Variants in BCAS3 observed in about 807,000 individuals in gnomAD.
BCAS3 encodes the protein BCAS3 microtubule associated cell migration factor.
In BCAS3, 53 loss-of-function variants were observed where a neutral mutation model predicts 116.1. That is an observed-to-expected ratio of 0.46 (90% CI 0.37 to 0.57). BCAS3 has a LOEUF of 0.57. Among genes scored for constraint, BCAS3 ranks in the 20% least tolerant of loss-of-function variants. The pLI, the probability that BCAS3 is intolerant of heterozygous loss-of-function variation, is 0.00. For synonymous variants in BCAS3, 391 were observed against 408.2 expected (o/e 0.96, Z 0.51); for missense variants, 917 against 1,165.4 (o/e 0.79, Z 3.10).
At chr17:61,288,387 G>T (rs2052043223) in intron 22 of BCAS3, among the ~76,000 whole-genome samples, 1 of 152,192 alleles carries the variant, frequency 6.6e-6, no homozygotes, top group African/African-American at 2.4e-5. Flanking sequence ...ATGTTTCTTT[G>T]TTGGGAGTGG....
chr17:61,348,058 T>C lies in BCAS3; in HGVS notation c.2426-20269T>C, dbSNP rs1297269454. On this transcript the variant is annotated intron_variant, in intron 22 of 23. Transcript: ENST00000407086. The surrounding 1 kb of genome is among the most constrained non-coding windows in gnomAD (Gnocchi z 4.5). ...AAGAATGAATTGAAGGGAAGCCACA[T>C]TAATAGGCGGAAAGACCAGTTTAAA... is the stretch of plus-strand genomic sequence containing the variant. 6.6e-6 allele frequency among the ~76,000 whole-genome samples: 1 copy of C among 152,190 alleles called. No individual in the cohort carries two copies. Among genetic ancestry groups the C allele is most frequent in the Non-Finnish European group, 1.5e-5 (1 of 68,032 alleles).
At chr17:60,757,294 G>A (rs1489562190) in intron 6 of BCAS3, among the ~76,000 whole-genome samples, 1 of 150,218 alleles carries the variant, frequency 6.7e-6, no homozygotes, top group African/African-American at 2.4e-5. Context: ...CAGCCTGGGC[G>A]ACAGAGCAAG....
intron 13 of BCAS3, among the ~76,000 whole-genome samples, chr17:60,943,204 A>G (rs1277449561): frequency 6.6e-6 from 1 of 152,158 alleles, no homozygotes; most frequent in African/African-American, 2.4e-5. Context: ...AACAGAAACA[A>G]GACAAGCAAA....
At chr17:60,784,028 A>G (rs914092534) in intron 6 of BCAS3, among the ~76,000 whole-genome samples, 5 of 152,192 alleles carry the variant, frequency 3.3e-5, no homozygotes, top group African/African-American at 1.2e-4. Context: ...GCAGCACTCC[A>G]TTGTAGAACT....
In BCAS3 at chr17:61,049,617, C is replaced by T. The variant is rs149661405; in HGVS notation, c.2029+8725C>T. Among the ~76,000 whole-genome samples, 20 of 151,382 alleles carry T rather than the reference C, an allele frequency of 1.3e-4. No homozygotes were observed. In the East Asian group the frequency reaches 3.9e-3, roughly 29 times the overall value. ...ACCAAAGTGTATTATAATCAATTTG[C>T]TCAAAATCATTGACAAAGAGAAAAA... On this transcript the variant is annotated intron_variant, in intron 19 of 23. Transcript: ENST00000407086.
chr17:60,711,473 CAG>C (rs2037923139), intron 5 of BCAS3, among the ~76,000 whole-genome samples: 1 of 151,824 alleles, frequency 6.6e-6, no homozygotes. Context: ...GTACTGAAGA[CAG>C]AGGAAGTTAT....
At chr17:60,690,024 G>T (rs1248613318) in intron 4 of BCAS3, among the ~76,000 whole-genome samples, 1 of 151,848 alleles carries the variant, frequency 6.6e-6, no homozygotes, top group Non-Finnish European at 1.5e-5. Context: ...GCAGAAAAAT[G>T]GTTTTCTTAA....
chr17:60,684,781 T>C (rs749391722), intron 3 of BCAS3, among the ~76,000 whole-genome samples: 19 of 152,248 alleles, frequency 1.2e-4, no homozygotes, highest in Middle Eastern at 3.4e-3. Context: ...TTTCTCCTTA[T>C]GGTTGTAGTC....
chr17:61,274,082 T>C lies in BCAS3; in HGVS notation c.2426-94245T>C, dbSNP rs902805434. ...CATTAACTCGTCATTTAACATTAGG[T>C]ATATCTCCTAATGCTATCCCTCCCC... On this transcript the variant is annotated intron_variant, in intron 22 of 23. Coordinates refer to ENST00000407086, the MANE Select transcript of BCAS3 (RefSeq NM_017679.5). Among the ~76,000 whole-genome samples the C allele has an allele frequency of 1.9e-3, 293 of 151,298 alleles. 1 individual carries two copies. Among genetic ancestry groups the C allele is most frequent in the African/African-American group, 6.3e-3 (259 of 41,434 alleles).
rs2076921348 is a variant in BCAS3, at chr17:61,141,647, A to T, written c.2425+57083A>T. Among the ~76,000 whole-genome samples the T allele has an allele frequency of 6.6e-6, 1 of 152,176 alleles. No individual in the cohort carries two copies. The highest frequency in any genetic ancestry group is 6.5e-5 in the Admixed American group (1 of 15,274). On this transcript the variant is annotated intron_variant, in intron 22 of 23. Coordinates refer to ENST00000407086, the MANE Select transcript of BCAS3 (RefSeq NM_017679.5). This position sits in a 1 kb window ranked among gnomAD's most constrained non-coding sequence, Gnocchi z 4.3. ...GCTGGGCGTGGTGGCTCACACCTGTAATCCCAGCTCTTTGAGAGGCTGAGG... is the reference window on the plus strand; with the variant it reads ...GCTGGGCGTGGTGGCTCACACCTGTTATCCCAGCTCTTTGAGAGGCTGAGG...
At chr17:61,137,570 A>C (rs911681203) in intron 22 of BCAS3, among the ~76,000 whole-genome samples, 1 of 152,162 alleles carries the variant, frequency 6.6e-6, no homozygotes, top group Non-Finnish European at 1.5e-5. Context: ...GGAGTTTGAG[A>C]CCAGCCTGGC....
At chr17:61,335,745 T>C (rs1178117799) in intron 22 of BCAS3, among the ~76,000 whole-genome samples, 2 of 152,226 alleles carry the variant, frequency 1.3e-5, no homozygotes, top group African/African-American at 4.8e-5. Flanking sequence ...AAGAATTGCC[T>C]TTCTGGCTTT....
At chr17:61,185,217 A>T (rs1461980544) in intron 22 of BCAS3, among the ~76,000 whole-genome samples, 1 of 152,150 alleles carries the variant, frequency 6.6e-6, no homozygotes, top group Non-Finnish European at 1.5e-5. Context: ...GTTACCAGGG[A>T]CATTCAAGAT....
rs1601220848 is a variant in BCAS3, at chr17:61,098,986, T to TG, written c.2425+14424dup. Reference sequence around the variant, plus strand: ...AAAAATACGAAAAATTAGCCGGGCATGGTGGCGCACACCTGTAGTCCCAGC... The same window carrying TG: ...AAAAATACGAAAAATTAGCCGGGCATGGGTGGCGCACACCTGTAGTCCCAGC... On this transcript the variant is annotated intron_variant, in intron 22 of 23. Transcript: ENST00000407086. The surrounding 1 kb of genome is among the most constrained non-coding windows in gnomAD (Gnocchi z 4.2). 2.0e-5 allele frequency among the ~76,000 whole-genome samples: 3 copies of TG among 152,050 alleles called. No homozygotes were observed. The highest frequency in any genetic ancestry group is 7.2e-5 in the African/African-American group (3 of 41,394).
At chr17:60,937,230 C>CT (rs1357829757) in intron 13 of BCAS3, among the ~76,000 whole-genome samples, 3 of 151,194 alleles carry the variant, frequency 2.0e-5, no homozygotes, top group Non-Finnish European at 2.9e-5. Context: ...CACCATATAT[C>CT]TGTTTTTTTT....
chr17:61,042,068 A>G (rs1250214868), intron 19 of BCAS3, among the ~76,000 whole-genome samples: 3 of 152,070 alleles, frequency 2.0e-5, no homozygotes, highest in South Asian at 2.1e-4. Context: ...GACGGGTGAT[A>G]TGTAAGTGGT....
Position 61,332,709 on chromosome 17 carries a change from A to C in BCAS3, c.2426-35618A>C, listed in dbSNP as rs1842411366. Among the ~76,000 whole-genome samples, 1 of 152,100 alleles carries C rather than the reference A, an allele frequency of 6.6e-6. No individual in the cohort carries two copies. The highest frequency in any genetic ancestry group is 6.5e-5 in the Admixed American group (1 of 15,274). On this transcript the variant is annotated intron_variant, in intron 22 of 23. Coordinates refer to ENST00000407086, the MANE Select transcript of BCAS3 (RefSeq NM_017679.5). This position sits in a 1 kb window ranked among gnomAD's most constrained non-coding sequence, Gnocchi z 5.4. ...CGGCTCATAGCAGCCTCCACCTCCC[A>C]GGTTCAAGCCATTCTCCTGCCTCAG...
chr17:61,296,703 T>C (rs986264616), intron 22 of BCAS3, among the ~76,000 whole-genome samples: 8 of 152,200 alleles, frequency 5.3e-5, no homozygotes, highest in African/African-American at 1.9e-4. Flanking sequence ...AGAGGAGGCA[T>C]CCTGGAAAAA....
Position 61,354,773 on chromosome 17 carries a change from CAT to C in BCAS3, c.2426-13553_2426-13552del, listed in dbSNP as rs902801138. 2.0e-5 allele frequency: 3 copies of C among 152,216 alleles called. No individual in the cohort carries two copies. The highest frequency in any genetic ancestry group is 6.5e-5 in the Admixed American group (1 of 15,282). 9.4% of individuals were successfully genotyped at this position (152,216 alleles called of 1,614,324 possible). A position where few individuals can be genotyped will look rare whatever the true frequency, so the allele number is the denominator to read the frequency against. On this transcript the variant is annotated intron_variant, in intron 22 of 23. Transcript: ENST00000407086. This position sits in a 1 kb window ranked among gnomAD's most constrained non-coding sequence, Gnocchi z 4.5. ...AGGTTGACCACACACTCCAAATACA[CAT>C]GTTTATTGCCCAAGCTGGGAACACC...
Sources: allele counts gnomAD v4.1 joint callset (sites outside exome capture counted in the v4.1 genomes callset), GRCh38; gene constraint gnomAD v4.1.1; non-coding constraint Gnocchi (gnomAD v3.1); transcripts MANE v1.5; gene names NCBI Gene and HGNC (gene_info 2026-07-23, HGNC 2026-07-21).